PHKB: variants seen among roughly 807,000 people sequenced by gnomAD.
PHKB encodes phosphorylase kinase regulatory subunit beta.
In PHKB, 122 loss-of-function variants were observed where a neutral mutation model predicts 152.1. The ratio of observed to expected loss-of-function variants is 0.80; its 90% CI spans 0.69 to 0.93. The LOEUF (loss-of-function observed/expected upper bound fraction) is 0.93, where lower values mean the gene tolerates loss of function less well. PHKB is among the 40% of genes least tolerant of loss of function. The pLI, the probability that PHKB is intolerant of heterozygous loss-of-function variation, is 0.00. For missense variants in PHKB, 1,304 were observed against 1,328.4 expected (o/e 0.98, Z 0.29); for synonymous variants, 436 against 464.9 (o/e 0.94, Z 0.80).
chr16:47,594,880 A>G (rs569860502), intron 12 of PHKB, among the ~76,000 whole-genome samples: 21 of 152,310 alleles, frequency 1.4e-4, no homozygotes, highest in Admixed American at 5.2e-4. Context: ...AGTATTGACA[A>G]TCACAGCAGT....
At chr16:47,470,813 A>G (rs942755416) in intron 1 of PHKB, among the ~76,000 whole-genome samples, 3 of 152,140 alleles carry the variant, frequency 2.0e-5, no homozygotes, top group African/African-American at 4.8e-5. Flanking sequence ...ACTGATGTTT[A>G]TTGGACCTCT....
At chr16:47,682,105 T>A (rs541331950) in intron 26 of PHKB, among the ~76,000 whole-genome samples, 2 of 152,360 alleles carry the variant, frequency 1.3e-5, no homozygotes, top group African/African-American at 2.4e-5. Context: ...CACTCTCTTT[T>A]GGCTTGTATT....
intron 5 of PHKB, among the ~76,000 whole-genome samples, chr16:47,512,312 C>G (rs1232652056): frequency 6.6e-6 from 1 of 152,042 alleles, no homozygotes; most frequent in Non-Finnish European, 1.5e-5. Context: ...ACATGAAATC[C>G]GAGTGAATTC....
chr16:47,616,464 G>T (rs1487212279), intron 14 of PHKB, among the ~76,000 whole-genome samples: 1 of 136,364 alleles, frequency 7.3e-6, no homozygotes, highest in East Asian at 2.0e-4. Flanking sequence ...AAATATATAT[G>T]ATATATAATA....
rs559963371 is a variant in PHKB at position 47,639,384 on chromosome 16, C to T, written c.1459-1651C>T. On this transcript the variant is annotated intron_variant, in intron 14 of 30. Coordinates refer to ENST00000323584, the MANE Select transcript of PHKB (RefSeq NM_000293.3). ...TGGCAGTGAAAGGAAGAGAGTTTTA[C>T]GAGTGGGGCTGCCCGTGCTGAATTC... Among the ~76,000 whole-genome samples the T allele has an allele frequency of 3.7e-4, 57 of 152,286 alleles. No homozygotes were observed. The South Asian group carries it at 0.01, about 28-fold the overall frequency.
chr16:47,545,907 C>T (rs1971154259), intron 6 of PHKB, among the ~76,000 whole-genome samples: 1 of 152,188 alleles, frequency 6.6e-6, no homozygotes, highest in East Asian at 1.9e-4. Flanking sequence ...GTGCATGTGT[C>T]ACGTAGTTCT....
At chr16:47,541,343 T>A (rs1006592111) in intron 6 of PHKB, among the ~76,000 whole-genome samples, 1 of 152,232 alleles carries the variant, frequency 6.6e-6, no homozygotes. Context: ...TTTTTATGGC[T>A]GCATAGTATT....
At chr16:47,532,339 C>T (rs1486529274) in intron 6 of PHKB, among the ~76,000 whole-genome samples, 1 of 152,156 alleles carries the variant, frequency 6.6e-6, no homozygotes, top group African/African-American at 2.4e-5. Flanking sequence ...TTAGATGATA[C>T]CCTAGTGTTA....
At chr16:47,686,636 A>G (rs1214138436) in intron 26 of PHKB, among the ~76,000 whole-genome samples, 1 of 152,196 alleles carries the variant, frequency 6.6e-6, no homozygotes, top group Non-Finnish European at 1.5e-5. Flanking sequence ...TTTGCTTTTC[A>G]TTATGAAGAA....
intron 1 of PHKB, among the ~76,000 whole-genome samples, chr16:47,471,771 G>A (rs926517389): frequency 6.6e-6 from 1 of 152,160 alleles, no homozygotes; most frequent in African/African-American, 2.4e-5. Flanking sequence ...GGTATAAATG[G>A]TAGGTAGGTT....
intron 13 of PHKB, among the ~76,000 whole-genome samples, 176 bp from the exon 14 acceptor site, chr16:47,610,650 A>G (rs1167022893): frequency 6.6e-5 from 10 of 152,046 alleles, no homozygotes; most frequent in Non-Finnish European, 1.5e-4. Flanking sequence ...GTCCTTTTCT[A>G]TATATTGAGG....
chr16:47,509,225 A>G (rs1205203187), intron 4 of PHKB, among the ~76,000 whole-genome samples: 1 of 152,218 alleles, frequency 6.6e-6, no homozygotes, highest in Non-Finnish European at 1.5e-5. Context: ...ATTGATTTCT[A>G]TTTGTGTAGG....
chr16:47,669,745 T>C (rs1379376019), intron 26 of PHKB, among the ~76,000 whole-genome samples: 1 of 152,186 alleles, frequency 6.6e-6, no homozygotes, highest in African/African-American at 2.4e-5. Context: ...ATAAAATGGA[T>C]AGGCCTTAAG....
chr16:47,504,992 T>C (rs1467204725), intron 4 of PHKB, among the ~76,000 whole-genome samples: 1 of 152,230 alleles, frequency 6.6e-6, no homozygotes, highest in Non-Finnish European at 1.5e-5. Context: ...CTAGCAGTCC[T>C]GATGTGTAAA....
chr16:47,567,418 A>T (rs1971587948), intron 7 of PHKB, among the ~76,000 whole-genome samples: 1 of 152,176 alleles, frequency 6.6e-6, no homozygotes, highest in Non-Finnish European at 1.5e-5. Flanking sequence ...TACTGAATTT[A>T]TAAAATCTGG....
intron 6 of PHKB, among the ~76,000 whole-genome samples, chr16:47,520,243 C>G (rs1483145955): frequency 2.0e-5 from 3 of 152,122 alleles, no homozygotes; most frequent in Non-Finnish European, 4.4e-5. Flanking sequence ...ATAACACTGT[C>G]CTTGTTTCTA....
chr16:47,699,256 C>G lies in PHKB; in HGVS notation c.3172C>G (p.Pro1058Ala). 1 of 1,613,958 alleles carries G rather than the reference C, an allele frequency of 6.2e-7. No homozygotes were observed. The highest frequency in any genetic ancestry group is 1.1e-5 in the South Asian group (1 of 91,078). ...QDDMTSFYNT[P>A]PLGKRGTCSY... ...TGACATGACTTCCTTTTACAACACT[C>G]CTCCCCTGGGAAAAAGAGGAACATG... Residue 1058 changes from proline to alanine, a missense_variant, in exon 31 of 31, where the codon CCT (proline) becomes GCT (alanine). Pro to Ala is a conservative substitution (Grantham distance 27). Transcript: ENST00000323584.
At chr16:47,598,948 GTA>G (rs1410962578) in intron 13 of PHKB, 1 of 1,495,366 alleles carries the variant, frequency 6.7e-7, no homozygotes, top group African/African-American at 1.4e-5. Context: ...CTCATGTGGA[GTA>G]TTGCACACAG....
intron 10 of PHKB, among the ~76,000 whole-genome samples, chr16:47,591,996 G>A (rs1459915366): frequency 6.6e-6 from 1 of 152,122 alleles, no homozygotes; most frequent in African/African-American, 2.4e-5. Flanking sequence ...AGACATTTTG[G>A]GTTATCACAA....
Sources: allele counts gnomAD v4.1 joint callset (sites outside exome capture counted in the v4.1 genomes callset), GRCh38; gene constraint gnomAD v4.1.1; transcripts MANE v1.5; gene names NCBI Gene and HGNC (gene_info 2026-07-23, HGNC 2026-07-21).